The following KIAA1328 variants were observed in gnomAD, a reference collection of about 807,000 sequenced individuals.
KIAA1328 encodes the protein KIAA1328.
KIAA1328 carries 52 observed loss-of-function variants against 68.1 expected under a neutral mutation model. The ratio of observed to expected loss-of-function variants is 0.76; its 90% CI spans 0.61 to 0.96. The LOEUF (loss-of-function observed/expected upper bound fraction) is 0.96. Among genes scored for constraint, KIAA1328 ranks in the 40% least tolerant of loss-of-function variants. The pLI, the probability that KIAA1328 is intolerant of heterozygous loss-of-function variation, is 0.00. For missense variants in KIAA1328, 641 were observed against 677.6 expected (o/e 0.95, Z 0.60); for synonymous variants, 232 against 239.4 (o/e 0.97, Z 0.28).
intron 6 of KIAA1328, among the ~76,000 whole-genome samples, chr18:37,038,327 C>T (rs563312222): frequency 1.3e-5 from 2 of 152,266 alleles, no homozygotes; most frequent in Admixed American, 6.5e-5. Flanking sequence ...CTTTCTTACC[C>T]TCACTATCTG....
intron 4 of KIAA1328, among the ~76,000 whole-genome samples, chr18:36,847,726 AT>A (rs1034892834): frequency 6.6e-6 from 1 of 151,564 alleles, no homozygotes; most frequent in African/African-American, 2.4e-5. Flanking sequence ...TTTTGATAAA[AT>A]TTTGGATCTT....
chr18:36,912,444 T>C (rs1467411105), intron 5 of KIAA1328, among the ~76,000 whole-genome samples: 2 of 152,100 alleles, frequency 1.3e-5, no homozygotes, highest in Non-Finnish European at 2.9e-5. Flanking sequence ...AGGACTCCTG[T>C]AATTACATTG....
At chr18:36,893,972 T>C (rs931225524) in intron 5 of KIAA1328, among the ~76,000 whole-genome samples, 2 of 152,302 alleles carry the variant, frequency 1.3e-5, no homozygotes, top group South Asian at 2.1e-4. Flanking sequence ...ATTTTTATAT[T>C]GCTTTTCTAT....
intron 9 of KIAA1328, among the ~76,000 whole-genome samples, chr18:37,221,109 G>A (rs2060554222): frequency 6.6e-6 from 1 of 152,124 alleles, no homozygotes; most frequent in African/African-American, 2.4e-5. Context: ...TTACAGGCAT[G>A]AACCACCTCA....
At chr18:36,855,054 G>A (rs1399749342) in intron 4 of KIAA1328, among the ~76,000 whole-genome samples, 1 of 152,058 alleles carries the variant, frequency 6.6e-6, no homozygotes, top group Non-Finnish European at 1.5e-5. Context: ...TTATTCATCT[G>A]TTAATAGCCC....
At chr18:37,024,237 G>A (rs2054467329) in intron 6 of KIAA1328, among the ~76,000 whole-genome samples, 1 of 151,940 alleles carries the variant, frequency 6.6e-6, no homozygotes, top group African/African-American at 2.4e-5. Context: ...CTTGGGTCAG[G>A]CAGTCTTCCT....
intron 6 of KIAA1328, among the ~76,000 whole-genome samples, chr18:37,038,628 T>C (rs774143447): frequency 6.6e-5 from 10 of 152,178 alleles, no homozygotes; most frequent in Non-Finnish European, 1.3e-4. Flanking sequence ...CTTAGGATTT[T>C]CTACATAAAG....
At position 36,967,096 on chromosome 18, in the gene KIAA1328, T is replaced by C. The variant is rs72888950; in HGVS notation, c.576+7661T>C. Among the ~76,000 whole-genome samples the C allele has an allele frequency of 5.2e-3, 799 of 152,334 alleles. 3 individuals are homozygous for C. The highest frequency in any genetic ancestry group is 8.4e-3 in the Non-Finnish European group (570 of 68,026). ...GCCCCCTGGCAAAATGGTTTCACTC[T>C]TGTGACTATGTTATGTTATATATTT... On this transcript the variant is annotated intron_variant, in intron 6 of 9. Coordinates refer to ENST00000280020, the MANE Select transcript of KIAA1328 (RefSeq NM_020776.3).
intron 3 of KIAA1328, among the ~76,000 whole-genome samples, chr18:36,842,579 A>T (rs1051610560): frequency 7.2e-5 from 11 of 152,146 alleles, no homozygotes; most frequent in African/African-American, 2.7e-4. Context: ...ATTTCATTGT[A>T]TCAATATGCC....
chr18:36,873,378 A>G (rs943413150), intron 4 of KIAA1328, among the ~76,000 whole-genome samples: 1 of 152,190 alleles, frequency 6.6e-6, no homozygotes, highest in Non-Finnish European at 1.5e-5. Flanking sequence ...TTGCAGAAAC[A>G]TGTTTTCAGG....
intron 7 of KIAA1328, among the ~76,000 whole-genome samples, chr18:37,078,171 G>A (rs1259597794): frequency 4.6e-5 from 7 of 152,058 alleles, no homozygotes; most frequent in South Asian, 2.1e-4. Flanking sequence ...CAGAAATAAC[G>A]CCACATATCT....
chr18:36,971,657 G>A (rs2052218605), intron 6 of KIAA1328, among the ~76,000 whole-genome samples: 1 of 151,898 alleles, frequency 6.6e-6, no homozygotes, highest in Admixed American at 6.6e-5. Flanking sequence ...AAAAAATGTG[G>A]TACTGTATAC....
chr18:36,918,197 A>AT (rs569402351), intron 5 of KIAA1328, among the ~76,000 whole-genome samples: 2 of 151,124 alleles, frequency 1.3e-5, no homozygotes, highest in South Asian at 4.2e-4. Context: ...TCAGTCTCTG[A>AT]TTTTTCCCCT....
intron 3 of KIAA1328, among the ~76,000 whole-genome samples, chr18:36,838,519 G>T (rs2046753499): frequency 1.3e-5 from 2 of 152,118 alleles, no homozygotes; most frequent in South Asian, 2.1e-4. Flanking sequence ...CTTTTCAAAA[G>T]ATATTTTTGC....
chr18:37,009,914 C>T (rs550658202), intron 6 of KIAA1328, among the ~76,000 whole-genome samples: 4 of 151,954 alleles, frequency 2.6e-5, no homozygotes, highest in Non-Finnish European at 4.4e-5. Context: ...ATACATAGTT[C>T]GTAATTATCT....
At chr18:37,093,379 C>T (rs550562802) in intron 7 of KIAA1328, among the ~76,000 whole-genome samples, 12 of 152,160 alleles carry the variant, frequency 7.9e-5, no homozygotes, top group African/African-American at 2.6e-4. Flanking sequence ...CAAAATAATA[C>T]AGACAAACAT....
At chr18:37,154,507 C>T (rs939091605) in intron 7 of KIAA1328, among the ~76,000 whole-genome samples, 1 of 152,174 alleles carries the variant, frequency 6.6e-6, no homozygotes, top group African/African-American at 2.4e-5. Flanking sequence ...CCATCATTAT[C>T]TCACTAGGAC....
chr18:36,859,959 T>C (rs2047511458), intron 4 of KIAA1328, among the ~76,000 whole-genome samples: 1 of 151,888 alleles, frequency 6.6e-6, no homozygotes, highest in South Asian at 2.1e-4. Flanking sequence ...AAACTATTTC[T>C]CTCTAAATGT....
chr18:36,941,527 G>A (rs928271780), intron 5 of KIAA1328, among the ~76,000 whole-genome samples: 1 of 152,104 alleles, frequency 6.6e-6, no homozygotes, highest in African/African-American at 2.4e-5. Context: ...CCCAGGAGGC[G>A]GAGGTTGCAG....
Sources: gnomAD v4.1 joint callset for allele counts (sites outside exome capture counted in the v4.1 genomes callset) on GRCh38, gnomAD v4.1.1 for gene constraint, MANE v1.5 for transcripts, NCBI Gene and HGNC (gene_info 2026-07-23, HGNC 2026-07-21) for gene names.